SIL1: variants seen among roughly 807,000 people sequenced by gnomAD.
SIL1 encodes the protein SIL1 nucleotide exchange factor.
Under a neutral mutation model 49.1 loss-of-function variants are expected in SIL1, and 40 were observed. The ratio of observed to expected loss-of-function variants is 0.81; its 90% CI spans 0.63 to 1.06. The LOEUF is 1.06. Among genes scored for constraint, SIL1 ranks in the 50% least tolerant of loss-of-function variants. The pLI is 0.00. For missense variants in SIL1, 500 were observed against 572.6 expected, an observed-to-expected ratio of 0.87 and a Z score of 1.29; for synonymous variants, 253 against 250.8, an observed-to-expected ratio of 1.01 and a Z score of -0.08.
chr5:139,084,311 G>T (rs1296352927), intron 3 of SIL1, among the ~76,000 whole-genome samples: 5 of 142,494 alleles, frequency 3.5e-5, no homozygotes, highest in African/African-American at 1.1e-4. Flanking sequence ...TATAAATCAT[G>T]CTGCTATAAA....
At chr5:139,064,053 C>T (rs996349956) in intron 3 of SIL1, among the ~76,000 whole-genome samples, 5 of 152,036 alleles carry the variant, frequency 3.3e-5, no homozygotes, top group African/African-American at 9.7e-5. Context: ...CTTTTTTCCC[C>T]GTACCCTATC....
chr5:139,126,692 T>C (rs1750759626), intron 2 of SIL1, among the ~76,000 whole-genome samples: 1 of 152,206 alleles, frequency 6.6e-6, no homozygotes, highest in Non-Finnish European at 1.5e-5. Context: ...CCTAACTGTA[T>C]GTTTTCCCCT....
chr5:139,033,933 T>C (rs922197647), intron 5 of SIL1, among the ~76,000 whole-genome samples: 1 of 152,218 alleles, frequency 6.6e-6, no homozygotes, highest in Non-Finnish European at 1.5e-5. Flanking sequence ...TCCCCAACTG[T>C]AATTGCGGAT....
chr5:138,996,368 T>A (rs746511839), intron 7 of SIL1, among the ~76,000 whole-genome samples: 1 of 152,192 alleles, frequency 6.6e-6, no homozygotes, highest in Non-Finnish European at 1.5e-5. Context: ...CCATTTTTAA[T>A]CAGATTTTTT....
chr5:139,168,476 G>A (rs142230247), intron 1 of SIL1, among the ~76,000 whole-genome samples: 200 of 152,224 alleles, frequency 1.3e-3, no homozygotes, highest in African/African-American at 4.6e-3. Flanking sequence ...CCAAATACTG[G>A]GGATCTGTGC....
At chr5:139,092,219 C>T (rs1770358182) in intron 3 of SIL1, among the ~76,000 whole-genome samples, 1 of 152,154 alleles carries the variant, frequency 6.6e-6, no homozygotes, top group East Asian at 1.9e-4. Flanking sequence ...GTTTCTTCTA[C>T]TTTCCCTTCT....
chr5:139,008,143 G>C (rs1181708597), intron 7 of SIL1, among the ~76,000 whole-genome samples: 1 of 151,166 alleles, frequency 6.6e-6, no homozygotes, highest in East Asian at 1.9e-4. Context: ...TTCAGCTCCT[G>C]TTATTGGTCT....
rs184981910 is a variant in SIL1, at chr5:138,960,765, G to A, written c.768-8881C>T. Among the ~76,000 whole-genome samples, 21 of 152,276 alleles carry A rather than the reference G, an allele frequency of 1.4e-4. 1 individual carries two copies. Among genetic ancestry groups the A allele is most frequent in the African/African-American group, 1.9e-4 (8 of 41,558 alleles). On this transcript the variant is annotated intron_variant, in intron 7 of 9. Transcript: ENST00000394817. ...CCACGGCACTCGGCCTCAAATCTAC[G>A]TCTTTATTATCATTTCTCTATCTGA... is the stretch of plus-strand genomic sequence containing the variant.
At chr5:139,144,743 C>A (rs1248081815) in intron 1 of SIL1, among the ~76,000 whole-genome samples, 1 of 152,102 alleles carries the variant, frequency 6.6e-6, no homozygotes, top group Non-Finnish European at 1.5e-5. Context: ...TGGTGGCGGG[C>A]ACCTTTAGTC....
rs1770012730 is a variant in SIL1 at position 139,079,031 on chromosome 5, T to C, written c.245-27985A>G. 2.0e-5 allele frequency among the ~76,000 whole-genome samples: 3 copies of C among 152,272 alleles called. No individual in the cohort carries two copies. The South Asian group carries it at 6.2e-4, about 31-fold the overall frequency. On this transcript the variant is annotated intron_variant, in intron 3 of 9. Transcript: ENST00000394817. ...TGATACTAAGAAACTGAATTTTTAA[T>C]TTTTAAAATGTTAATTTTAATTTGA... is the stretch of plus-strand genomic sequence containing the variant.
rs544451081 is a variant in SIL1, at chr5:139,061,629, T to A, written c.245-10583A>T. Among the ~76,000 whole-genome samples the A allele has an allele frequency of 7.9e-5, 12 of 152,318 alleles. No individual in the cohort carries two copies. In the South Asian group the frequency reaches 2.5e-3, roughly 32 times the overall value. On this transcript the variant is annotated intron_variant, in intron 3 of 9. Coordinates refer to ENST00000394817, the MANE Select transcript of SIL1 (RefSeq NM_022464.5). Reference sequence around the variant, plus strand: ...CTGTTTTCCCTAATGTGCTACATTGTTGTGAAGAACAAATGAAAAAAGAAC... The same window carrying A: ...CTGTTTTCCCTAATGTGCTACATTGATGTGAAGAACAAATGAAAAAAGAAC...
At chr5:138,966,410 C>G (rs771306352) in intron 7 of SIL1, among the ~76,000 whole-genome samples, 7 of 152,192 alleles carry the variant, frequency 4.6e-5, no homozygotes, top group Non-Finnish European at 1.0e-4. Flanking sequence ...AGGCTTCACA[C>G]ACTGACCCAG....
chr5:139,038,130 C>T (rs111598331), intron 5 of SIL1, among the ~76,000 whole-genome samples: 4 of 152,340 alleles, frequency 2.6e-5, no homozygotes, highest in African/African-American at 9.6e-5. Flanking sequence ...AAAGGTCCCA[C>T]CTCCAAACAT....
intron 1 of SIL1, among the ~76,000 whole-genome samples, chr5:139,193,312 C>T (rs978908614): frequency 6.6e-6 from 1 of 152,126 alleles, no homozygotes; most frequent in African/African-American, 2.4e-5. Flanking sequence ...GCCTGTAATC[C>T]CAGCACTTTG....
chr5:139,196,593 T>G (rs1752278406), intron 1 of SIL1: 1 of 152,268 alleles, frequency 6.6e-6, no homozygotes, highest in Non-Finnish European at 1.5e-5. Flanking sequence ...TTTTCATTCC[T>G]GGACTGCCGC....
At chr5:139,116,749 C>A (rs1233310159) in intron 3 of SIL1, among the ~76,000 whole-genome samples, 1 of 152,244 alleles carries the variant, frequency 6.6e-6, no homozygotes, top group African/African-American at 2.4e-5. Context: ...GTAGCTGGGA[C>A]TACATTCGCA....
chr5:139,003,755 C>G (rs1484708307), intron 7 of SIL1, among the ~76,000 whole-genome samples: 1 of 152,184 alleles, frequency 6.6e-6, no homozygotes, highest in East Asian at 1.9e-4. Context: ...ACTTCCAGAA[C>G]AGTAAGAGAA....
At position 139,135,420 on chromosome 5, in the gene SIL1, A is replaced by G. The variant is rs377690573; in HGVS notation, c.-10-7567T>C. Among the ~76,000 whole-genome samples, 38 of 152,358 alleles carry G rather than the reference A, an allele frequency of 2.5e-4. No individual in the cohort carries two copies. In the East Asian group the frequency reaches 3.1e-3, roughly 12 times the overall value. ...AGCCTCTGCCTAACCAGAGAGCTACAAAGAGCTACAGAGAGCTACAAAATC... is the reference window on the plus strand; with the variant it reads ...AGCCTCTGCCTAACCAGAGAGCTACGAAGAGCTACAGAGAGCTACAAAATC... On this transcript the variant is annotated intron_variant, in intron 1 of 9. Coordinates refer to ENST00000394817, the MANE Select transcript of SIL1 (RefSeq NM_022464.5).
chr5:139,072,302 A>G (rs1769852224), intron 3 of SIL1, among the ~76,000 whole-genome samples: 1 of 152,214 alleles, frequency 6.6e-6, no homozygotes, highest in African/African-American at 2.4e-5. Context: ...AATAACATAC[A>G]CTATTCAAAC....
Sources: allele counts gnomAD v4.1 joint callset (sites outside exome capture counted in the v4.1 genomes callset), GRCh38; gene constraint gnomAD v4.1.1; transcripts MANE v1.5; gene names NCBI Gene and HGNC (gene_info 2026-07-23, HGNC 2026-07-21).